Variants in GARNL3 observed in about 807,000 individuals in gnomAD.
GARNL3 encodes GTPase activating Rap/RanGAP domain like 3.
In GARNL3, 63 loss-of-function variants were observed where a neutral mutation model predicts 125.0. That is an observed-to-expected ratio of 0.50 (90% CI 0.41 to 0.62). The LOEUF is 0.62. Ranked by LOEUF, GARNL3 falls within the 20% of genes least tolerant of loss-of-function variation. The pLI is 0.00. For missense variants in GARNL3, 994 were observed against 1,244.0 expected, an observed-to-expected ratio of 0.80 and a Z score of 3.02; for synonymous variants, 439 against 457.5, an observed-to-expected ratio of 0.96 and a Z score of 0.52.
At chr9:127,300,467 A>G (rs761321521) in intron 2 of GARNL3, 42 of 406,036 alleles carry the variant, frequency 1.0e-4, no homozygotes, top group Non-Finnish European at 1.9e-4. Flanking sequence ...GTTTGGGTGA[A>G]TTTTCTTTTT....
upstream of GARNL3, among the ~76,000 whole-genome samples, chr9:127,259,265 C>T (rs369410044): frequency 1.3e-5 from 2 of 152,338 alleles, no homozygotes; most frequent in African/African-American, 4.8e-5. Flanking sequence ...TCTTTGCTCT[C>T]ATCCCAGGCC....
At chr9:127,305,051 C>G (rs980473236) in intron 2 of GARNL3, among the ~76,000 whole-genome samples, 3 of 152,118 alleles carry the variant, frequency 2.0e-5, no homozygotes, top group Non-Finnish European at 4.4e-5. Flanking sequence ...ATTTCATTTT[C>G]GTAACGCTCA....
intron 14 of GARNL3, 67 bp from the exon 15 acceptor site, chr9:127,344,168 T>A: frequency 9.0e-7 from 1 of 1,105,116 alleles, no homozygotes; most frequent in South Asian, 1.4e-5. Context: ...TTTTGTGCAC[T>A]ATGAGAAGCC....
chr9:127,374,494 AAAG>A (rs1831783936), intron 22 of GARNL3, among the ~76,000 whole-genome samples: 1 of 152,218 alleles, frequency 6.6e-6, no homozygotes, highest in South Asian at 2.1e-4. Flanking sequence ...ATAATCCATA[AAAG>A]AAAAAATTAA....
At position 127,390,754 on chromosome 9, in the gene GARNL3, T is replaced by G. The variant is rs1178303796; in HGVS notation, c.2857T>G (p.Ser953Ala). The change falls in exon 27 of 28, where the codon TCT (serine) becomes GCT (alanine). Residue 953 changes from serine (S) to alanine (A), a missense_variant. By Grantham distance (99) the Ser-to-Ala change is moderately conservative. Around this residue, in one of 5 missense-constraint regions of GARNL3, gnomAD observed 728 missense variants for 865.7 expected, o/e 0.84. Coordinates refer to ENST00000373387, the MANE Select transcript of GARNL3 (RefSeq NM_032293.5). ...GGPKPGAVRS[S>A]SSDRIPSGSL... ...CCCCAAGCCAGGGGCAGTGAGGTCA[T>G]CTAGCAGTGACAGGTAAAGAGAGGG... is the stretch of plus-strand genomic sequence containing the variant. 2.5e-6 allele frequency: 4 copies of G among 1,613,472 alleles called. No individual in the cohort carries two copies. The Admixed American group carries it at 6.7e-5, about 27-fold the overall frequency.
Position 127,364,978 on chromosome 9 carries a change from A to C in GARNL3, c.2095-322A>C, listed in dbSNP as rs1831204558. The C allele has an allele frequency of 3.4e-6, 1 of 291,186 alleles. No individual in the cohort carries two copies. Among genetic ancestry groups the C allele is most frequent in the African/African-American group, 2.2e-5 (1 of 45,680 alleles). The allele number at this position is 291,186 out of a possible 1,614,324, so 18.0% of individuals were successfully genotyped here. A position where few individuals can be genotyped will look rare whatever the true frequency, so the allele number is the denominator to read the frequency against. On this transcript the variant is annotated intron_variant, in intron 21 of 27. Coordinates refer to ENST00000373387, the MANE Select transcript of GARNL3 (RefSeq NM_032293.5). This position sits in a 1 kb window ranked among gnomAD's most constrained non-coding sequence, Gnocchi z 4.2. ...TTTGCCATTGGAAATAATGGCATAT[A>C]AACCTGAGGCATTTCAATAGAGAGA...
Position 127,389,798 on chromosome 9 carries a change from A to G in GARNL3, c.2743+679A>G, listed in dbSNP as rs118019424. Among the ~76,000 whole-genome samples the G allele has an allele frequency of 2.9e-3, 437 of 152,060 alleles. 5 individuals carry two copies. In the East Asian group the frequency reaches 0.054, roughly 19 times the overall value. ...TAGCCAGCCATGGTGGCATGTGCCT[A>G]TAGTCCCAGCTACTCAAGAAGCTGA... is the stretch of plus-strand genomic sequence containing the variant. On this transcript the variant is annotated intron_variant, in intron 26 of 27. Transcript: ENST00000373387.
intron 4 of GARNL3, among the ~76,000 whole-genome samples, chr9:127,317,742 C>A (rs1421819999): frequency 1.3e-5 from 2 of 151,972 alleles, no homozygotes; most frequent in Non-Finnish European, 2.9e-5. Flanking sequence ...AAAACAACAA[C>A]AACAACAACA....
intron 2 of GARNL3, among the ~76,000 whole-genome samples, chr9:127,298,251 T>C (rs2064667776): frequency 6.6e-6 from 1 of 152,180 alleles, no homozygotes; most frequent in African/African-American, 2.4e-5. Context: ...TAATCTCAGC[T>C]CATTGCAACC....
intron 2 of GARNL3, chr9:127,300,421 C>T: frequency 2.5e-6 from 1 of 407,016 alleles, no homozygotes; most frequent in Non-Finnish European, 4.8e-6. Flanking sequence ...TCTTCTGCCC[C>T]TGCTGTTCCT....
chr9:127,392,947 C>T lies in GARNL3; in HGVS notation c.2871-136C>T, dbSNP rs189455750. On this transcript the variant is annotated intron_variant, in intron 27 of 27. Transcript: ENST00000373387. The surrounding 1 kb of genome is among the most constrained non-coding windows in gnomAD (Gnocchi z 5.2). ...ATGGGGGTGGCATTCCAGCACTTCC[C>T]CACCTCTACCACATAACAGTGAGGG... 2.8e-5 allele frequency: 19 copies of T among 673,160 alleles called. No individual in the cohort carries two copies. The African/African-American group carries it at 3.2e-4, about 11-fold the overall frequency. The allele number at this position is 673,160 out of a possible 1,614,324, so 41.7% of individuals were successfully genotyped here.
chr9:127,306,454 G>A (rs138770568), intron 2 of GARNL3, among the ~76,000 whole-genome samples: 40 of 152,298 alleles, frequency 2.6e-4, no homozygotes, highest in African/African-American at 8.2e-4. Context: ...GTGGCCGGGC[G>A]CGGTGGCTCA....
chr9:127,248,755 G>A (rs186940377), intron 2 of GARNL3, among the ~76,000 whole-genome samples: 1 of 151,590 alleles, frequency 6.6e-6, no homozygotes, highest in East Asian at 1.9e-4. Flanking sequence ...CCACAGGTGT[G>A]CGCCACCATG....
chr9:127,288,596 T>C (rs972815709), intron 1 of GARNL3, among the ~76,000 whole-genome samples: 1 of 152,212 alleles, frequency 6.6e-6, no homozygotes, highest in African/African-American at 2.4e-5. Flanking sequence ...GCATGAGCTC[T>C]GTCTTTATGG....
chr9:127,253,615 A>C (rs962980433), intron 2 of GARNL3, among the ~76,000 whole-genome samples: 9 of 152,160 alleles, frequency 5.9e-5, no homozygotes, highest in African/African-American at 2.2e-4. Flanking sequence ...TCTAGGTGCT[A>C]AGGGCAGCTC....
chr9:127,332,388 T>C, intron 8 of GARNL3, 39 bp downstream of exon 8: 3 of 1,498,838 alleles, frequency 2.0e-6, no homozygotes, highest in Non-Finnish European at 2.8e-6. Flanking sequence ...CCAGAGACCC[T>C]GTCCTGCCTT....
chr9:127,389,178 T>C (rs879929303), intron 26 of GARNL3, 59 bp downstream of exon 26: 11 of 1,225,220 alleles, frequency 9.0e-6, no homozygotes, highest in Non-Finnish European at 1.2e-5. Flanking sequence ...GTTTTATCTT[T>C]GGATATGAAT....
At chr9:127,330,875 C>T (rs921922515) in intron 7 of GARNL3, among the ~76,000 whole-genome samples, 6 of 152,166 alleles carry the variant, frequency 3.9e-5, no homozygotes, top group Non-Finnish European at 8.8e-5. Context: ...GAGTGTGCAT[C>T]TCAGGTGTGT....
At chr9:127,333,182 C>A in intron 9 of GARNL3, 61 bp downstream of exon 9, 3 of 1,357,522 alleles carry the variant, frequency 2.2e-6, no homozygotes, top group African/African-American at 1.4e-5. Flanking sequence ...GTCAGCCTGA[C>A]CCGTGTCTGA....
Sources: gnomAD v4.1 joint callset for allele counts (sites outside exome capture counted in the v4.1 genomes callset) on GRCh38, gnomAD v4.1.1 for gene constraint, gnomAD v4.1.1 regional missense constraint, Gnocchi (gnomAD v3.1) non-coding constraint, MANE v1.5 for transcripts, NCBI Gene and HGNC (gene_info 2026-07-23, HGNC 2026-07-21) for gene names.